SAMD3: variants seen among roughly 807,000 people sequenced by gnomAD.
The protein encoded by SAMD3 is sterile alpha motif domain containing 3.
SAMD3 carries 63 observed loss-of-function variants against 58.5 expected under a neutral mutation model. The ratio of observed to expected loss-of-function variants is 1.08; its 90% CI spans 0.88 to 1.33. The LOEUF (loss-of-function observed/expected upper bound fraction) is 1.33. SAMD3 is among the 40% of genes most tolerant of loss of function. The pLI is 0.00. For synonymous variants in SAMD3, 220 were observed against 210.3 expected (o/e 1.05, Z -0.40); for missense variants, 604 against 608.4 (o/e 0.99, Z 0.08).
At chr6:130,193,975 C>A (rs938551019) in intron 5 of SAMD3, among the ~76,000 whole-genome samples, 1 of 152,068 alleles carries the variant, frequency 6.6e-6, no homozygotes, top group Non-Finnish European at 1.5e-5. Flanking sequence ...TTCCTTTTCT[C>A]CAGACCCATC....
intron 2 of SAMD3, among the ~76,000 whole-genome samples, chr6:130,281,944 A>G (rs1398331068): frequency 6.6e-6 from 1 of 152,054 alleles, no homozygotes; most frequent in Non-Finnish European, 1.5e-5. Flanking sequence ...CTACTCACAG[A>G]TCTTCAAATA....
intron 5 of SAMD3, among the ~76,000 whole-genome samples, chr6:130,206,769 T>C (rs1285331337): frequency 6.6e-6 from 1 of 152,172 alleles, no homozygotes; most frequent in East Asian, 1.9e-4. Context: ...TCTCAATTTC[T>C]TAGCCAGTCC....
chr6:130,206,122 TA>T (rs1302169639), intron 5 of SAMD3, among the ~76,000 whole-genome samples: 2 of 152,184 alleles, frequency 1.3e-5, no homozygotes, highest in Admixed American at 1.3e-4. Flanking sequence ...TAAAAATAGA[TA>T]CTTCACCCTG....
chr6:130,292,162 C>G (rs1775382392), intron 2 of SAMD3, among the ~76,000 whole-genome samples: 1 of 152,092 alleles, frequency 6.6e-6, no homozygotes, highest in Non-Finnish European at 1.5e-5. Flanking sequence ...GGCAGAGCCA[C>G]TGACCCAGAA....
chr6:130,273,047 T>C (rs988950919), intron 2 of SAMD3, among the ~76,000 whole-genome samples: 2 of 148,238 alleles, frequency 1.3e-5, no homozygotes, highest in African/African-American at 5.0e-5. Flanking sequence ...GATTTTTTTA[T>C]GTTGGAGTAT....
chr6:130,319,433 G>T (rs759180782), intron 1 of SAMD3, among the ~76,000 whole-genome samples: 1 of 151,326 alleles, frequency 6.6e-6, no homozygotes, highest in South Asian at 2.1e-4. Context: ...AAAAAGACAA[G>T]GAGGAGAGCA....
chr6:130,267,036 G>T (rs1774385066), intron 2 of SAMD3, among the ~76,000 whole-genome samples: 1 of 152,164 alleles, frequency 6.6e-6, no homozygotes, highest in African/African-American at 2.4e-5. Flanking sequence ...ACTCAGACGA[G>T]GAATGCTATC....
intron 1 of SAMD3, among the ~76,000 whole-genome samples, chr6:130,317,269 G>T (rs1776408847): frequency 6.6e-6 from 1 of 152,196 alleles, no homozygotes; most frequent in Non-Finnish European, 1.5e-5. Context: ...TGACATTCCA[G>T]ATTTAGATGA....
chr6:130,220,516 T>C (rs1171804271), intron 1 of SAMD3, among the ~76,000 whole-genome samples: 2 of 152,204 alleles, frequency 1.3e-5, no homozygotes, highest in Non-Finnish European at 2.9e-5. Flanking sequence ...ATTACAGTCC[T>C]GCCAGAGATG....
chr6:130,183,033 G>C (rs900411943), intron 7 of SAMD3: 3 of 263,778 alleles, frequency 1.1e-5, no homozygotes, highest in Non-Finnish European at 2.2e-5. Flanking sequence ...CAGTTCAATA[G>C]TGTTGATTAT....
intron 2 of SAMD3, among the ~76,000 whole-genome samples, chr6:130,279,173 G>A (rs776389510): frequency 1.3e-5 from 2 of 152,092 alleles, no homozygotes; most frequent in Admixed American, 1.3e-4. Context: ...TAAAGTTCCT[G>A]TTCCTGGTAC....
At chr6:130,174,232 A>T (rs1202832766) in intron 8 of SAMD3, among the ~76,000 whole-genome samples, 2 of 152,186 alleles carry the variant, frequency 1.3e-5, no homozygotes, top group African/African-American at 4.8e-5. Context: ...ATGAAAAAAT[A>T]GTCCTGCAGC....
intron 9 of SAMD3, among the ~76,000 whole-genome samples, chr6:130,148,030 A>G (rs1477716813): frequency 6.6e-6 from 1 of 152,178 alleles, no homozygotes. Context: ...TCCACGTAAA[A>G]TTAATATATG....
intron 1 of SAMD3, among the ~76,000 whole-genome samples, chr6:130,332,389 A>T (rs960822596): frequency 1.3e-5 from 2 of 152,138 alleles, no homozygotes; most frequent in African/African-American, 4.8e-5. Flanking sequence ...ATGAGTTTGG[A>T]GCAAAAGGGA....
At chr6:130,168,891 C>G (rs751033825) in intron 8 of SAMD3, among the ~76,000 whole-genome samples, 47 of 152,168 alleles carry the variant, frequency 3.1e-4, no homozygotes, top group Non-Finnish European at 6.2e-4. Flanking sequence ...AAGTCTCAAC[C>G]TCCCTGGCTC....
intron 1 of SAMD3, among the ~76,000 whole-genome samples, chr6:130,351,364 T>C (rs1777657632): frequency 6.6e-6 from 1 of 151,828 alleles, no homozygotes; most frequent in Non-Finnish European, 1.5e-5. Context: ...TTCAATGAAC[T>C]CCAACAAATT....
Position 130,216,560 on chromosome 6 carries a change from A to C in SAMD3, c.-22+11T>G, listed in dbSNP as rs965931103. On this transcript the variant is annotated intron_variant, in intron 2 of 11. Coordinates refer to ENST00000439090, the MANE Select transcript of SAMD3 (RefSeq NM_001017373.4). The stretch of plus-strand genomic sequence containing the variant: ...ATAGTTAGAATAGTGGAAAAGGGGA[A>C]ACATGTTTACCTTGCATATGTGACA... The C allele has an allele frequency of 2.0e-5, 3 of 152,192 alleles. No individual in the cohort carries two copies. Among genetic ancestry groups the C allele is most frequent in the African/African-American group, 7.2e-5 (3 of 41,446 alleles). The allele number at this position is 152,192 out of a possible 1,614,324, so 9.4% of individuals were successfully genotyped here.
At position 130,308,385 on chromosome 6, in the gene SAMD3, A is replaced by ATTCTATTCTATTCTATTCTATTCT. The variant is rs1554273450; in HGVS notation, c.-188+4569_-188+4592dup. ...ATTCTATTCTATTCTATTCTATTCT[A>ATTCTATTCTATTCTATTCTATTCT]TTCTATTCTATTCTATTCTATTCTA... is the stretch of plus-strand genomic sequence containing the variant. On this transcript the variant is annotated intron_variant, in intron 2 of 13. Transcript: ENST00000368134. Among the ~76,000 whole-genome samples, 374 of 139,840 alleles carry ATTCTATTCTATTCTATTCTATTCT rather than the reference A, an allele frequency of 2.7e-3. 5 individuals are homozygous for ATTCTATTCTATTCTATTCTATTCT. The highest frequency in any genetic ancestry group is 3.2e-3 in the Non-Finnish European group (213 of 66,120). The allele number at this position is 139,840 out of a possible 152,430, so 91.7% of individuals were successfully genotyped here. A position where few individuals can be genotyped will look rare whatever the true frequency, so the allele number is the denominator to read the frequency against.
intron 2 of SAMD3, among the ~76,000 whole-genome samples, chr6:130,304,345 T>G (rs1775844487): frequency 6.6e-6 from 1 of 152,184 alleles, no homozygotes; most frequent in Admixed American, 6.5e-5. Flanking sequence ...AATTTTTGTA[T>G]TTTTAGTAGA....
Sources: allele counts gnomAD v4.1 joint callset (sites outside exome capture counted in the v4.1 genomes callset), GRCh38; gene constraint gnomAD v4.1.1; transcripts MANE v1.5; gene names NCBI Gene and HGNC (gene_info 2026-07-23, HGNC 2026-07-21).